The following PHACTR3 variants were observed in gnomAD, a reference collection of about 807,000 sequenced individuals.
PHACTR3 encodes phosphatase and actin regulator 3.
In PHACTR3, 16 loss-of-function variants were observed where a neutral mutation model predicts 66.8. The ratio of observed to expected loss-of-function variants is 0.24; its 90% CI spans 0.16 to 0.36. The LOEUF (loss-of-function observed/expected upper bound fraction) is 0.36, where lower values mean the gene tolerates loss of function less well. Ranked by LOEUF, PHACTR3 falls within the 10% of genes least tolerant of loss-of-function variation. The pLI is 1.00. For synonymous variants in PHACTR3, 323 were observed against 292.1 expected, an observed-to-expected ratio of 1.11 and a Z score of -1.08; for missense variants, 647 against 719.9, an observed-to-expected ratio of 0.90 and a Z score of 1.16.
intron 1 of PHACTR3, among the ~76,000 whole-genome samples, chr20:59,689,595 C>A (rs1325189025): frequency 6.6e-6 from 1 of 152,154 alleles, no homozygotes; most frequent in Non-Finnish European, 1.5e-5. Flanking sequence ...GGAGTCCAGA[C>A]ATAGCCAGTG....
At chr20:59,727,330 T>C (rs955962912) in intron 1 of PHACTR3, among the ~76,000 whole-genome samples, 1 of 152,070 alleles carries the variant, frequency 6.6e-6, no homozygotes, top group African/African-American at 2.4e-5. Context: ...ACTTGATGTG[T>C]CCATTTGTCC....
intron 8 of PHACTR3, among the ~76,000 whole-genome samples, chr20:59,827,845 G>A (rs1271621287): frequency 4.6e-5 from 7 of 152,164 alleles, no homozygotes; most frequent in African/African-American, 1.4e-4. Context: ...CAAGCTTGGC[G>A]GGGCTTCCTG....
intron 4 of PHACTR3, among the ~76,000 whole-genome samples, chr20:59,756,260 G>A (rs1403022100): frequency 5.3e-5 from 8 of 152,170 alleles, no homozygotes; most frequent in East Asian, 1.9e-4. Context: ...CTGATGTCTC[G>A]TAAAATTTCA....
chr20:59,581,845 C>A (rs1229726755), intron 1 of PHACTR3, among the ~76,000 whole-genome samples: 11 of 150,350 alleles, frequency 7.3e-5, no homozygotes, highest in Admixed American at 3.3e-4. Context: ...TGCTCCACTG[C>A]ACTCCAGCCT....
At chr20:59,707,367 T>C (rs1426892922) in intron 1 of PHACTR3, among the ~76,000 whole-genome samples, 1 of 152,090 alleles carries the variant, frequency 6.6e-6, no homozygotes, top group African/African-American at 2.4e-5. Flanking sequence ...GCCTAGTGGC[T>C]TGGGGCCCTC....
chr20:59,801,949 G>T (rs1180656890), intron 7 of PHACTR3, among the ~76,000 whole-genome samples: 2 of 152,194 alleles, frequency 1.3e-5, no homozygotes, highest in Non-Finnish European at 2.9e-5. Context: ...TTCAGTGCCA[G>T]GTATGGAATA....
chr20:59,800,560 T>G (rs2211094), intron 7 of PHACTR3, among the ~76,000 whole-genome samples: 148,548 of 152,282 alleles, frequency 0.98, 72,486 homozygotes, highest in East Asian at 1. Context: ...TGAATACAGA[T>G]AATGTCTTTT....
intron 5 of PHACTR3, among the ~76,000 whole-genome samples, chr20:59,771,753 A>G (rs942690678): frequency 6.6e-6 from 1 of 152,374 alleles, no homozygotes; most frequent in Middle Eastern, 3.4e-3. Flanking sequence ...TTGTGTGGCC[A>G]AGCAGGTGCT....
intron 1 of PHACTR3, among the ~76,000 whole-genome samples, chr20:59,595,462 AT>A (rs1443426862): frequency 2.0e-5 from 3 of 152,232 alleles, no homozygotes; most frequent in African/African-American, 7.2e-5. Flanking sequence ...AAAATAGTAA[AT>A]AAATAAATAA....
intron 8 of PHACTR3, chr20:59,836,211 C>A (rs1256436690): frequency 1.3e-5 from 5 of 387,078 alleles, no homozygotes; most frequent in East Asian, 1.2e-4. Context: ...GGTGAACAGT[C>A]CAGACCAGGC....
At chr20:59,651,217 T>A (rs567370755) in intron 1 of PHACTR3, among the ~76,000 whole-genome samples, 7 of 152,292 alleles carry the variant, frequency 4.6e-5, no homozygotes, top group African/African-American at 1.4e-4. Context: ...AGTGAGACTT[T>A]GTCTAAAGTA....
intron 4 of PHACTR3, among the ~76,000 whole-genome samples, chr20:59,764,962 G>T (rs2040132525): frequency 6.6e-6 from 1 of 152,222 alleles, no homozygotes; most frequent in African/African-American, 2.4e-5. Flanking sequence ...GAAATGGGCT[G>T]TGAAGTGTGG....
chr20:59,716,819 A>G (rs965809098), intron 1 of PHACTR3, among the ~76,000 whole-genome samples: 1 of 152,210 alleles, frequency 6.6e-6, no homozygotes, highest in Non-Finnish European at 1.5e-5. Context: ...CCAATGCAAA[A>G]CCAGGCACAC....
In PHACTR3 at chr20:59,605,028, A is replaced by C. The variant is rs746558225; in HGVS notation, c.14A>C (p.Glu5Ala). ...CCGGCCGGGCCCATGGCCGCGTCGG[A>C]GGACGGGAGCGGCTGCCTCGTGTCG... is the stretch of plus-strand genomic sequence containing the variant. The part of the protein sequence containing the change: MAAS[E>A]DGSGCLVSRG... The change falls in exon 1 of 13, where the codon GAG (glutamate) becomes GCG (alanine). Residue 5 changes from glutamate (E) to alanine (A), a missense_variant. Around this residue, in one of 2 missense-constraint regions of PHACTR3, gnomAD observed 577 missense variants for 571.1 expected, o/e 1.01. Transcript: ENST00000371015. 2.6e-5 allele frequency: 35 copies of C among 1,342,706 alleles called. 1 individual carries two copies. The South Asian group carries it at 6.6e-4, about 25-fold the overall frequency. The allele number at this position is 1,342,706 out of a possible 1,614,324, so 83.2% of individuals were successfully genotyped here. A position where few individuals can be genotyped will look rare whatever the true frequency, so the allele number is the denominator to read the frequency against.
At chr20:59,824,096 C>A (rs2042120312) in intron 8 of PHACTR3, among the ~76,000 whole-genome samples, 1 of 152,206 alleles carries the variant, frequency 6.6e-6, no homozygotes, top group Non-Finnish European at 1.5e-5. Flanking sequence ...CTGATCAGAT[C>A]AGGCCCACCC....
At chr20:59,753,756 C>T (rs1161638629) in intron 3 of PHACTR3, among the ~76,000 whole-genome samples, 2 of 152,212 alleles carry the variant, frequency 1.3e-5, no homozygotes, top group Non-Finnish European at 2.9e-5. Context: ...GCACAAAACA[C>T]CGTTTGCAGG....
At chr20:59,755,078 C>A in intron 3 of PHACTR3, 104 bp from the exon 4 acceptor site, 1 of 1,204,142 alleles carries the variant, frequency 8.3e-7, no homozygotes, top group Non-Finnish European at 1.2e-6. Context: ...GGTGGGGGAC[C>A]ACCCAGAGCC....
intron 1 of PHACTR3, among the ~76,000 whole-genome samples, chr20:59,675,260 G>T (rs2036416294): frequency 6.6e-6 from 1 of 151,290 alleles, no homozygotes; most frequent in Non-Finnish European, 1.5e-5. Context: ...AGGAACTTTG[G>T]GTAGCTCTCT....
At chr20:59,802,308 T>G (rs2041436890) in intron 7 of PHACTR3, among the ~76,000 whole-genome samples, 1 of 151,618 alleles carries the variant, frequency 6.6e-6, no homozygotes, top group Admixed American at 6.6e-5. Flanking sequence ...AGTGAAGGGG[T>G]TTGAGGATTG....
Sources: gnomAD v4.1 joint callset for allele counts (sites outside exome capture counted in the v4.1 genomes callset) on GRCh38, gnomAD v4.1.1 for gene constraint, gnomAD v4.1.1 regional missense constraint, MANE v1.5 for transcripts, NCBI Gene and HGNC (gene_info 2026-07-23, HGNC 2026-07-21) for gene names.